ATP2C2: variants seen among roughly 807,000 people sequenced by gnomAD.
ATP2C2 encodes the protein calcium-transporting ATPase type 2C member 2.
A neutral mutation model predicts 110.8 loss-of-function variants in ATP2C2; 171 were observed. That is an observed-to-expected ratio of 1.54 (90% CI 1.36 to 1.75). ATP2C2 has a LOEUF of 1.75. Ranked by LOEUF, ATP2C2 falls within the 40% of genes most tolerant of loss-of-function variation. ATP2C2 has a pLI of 0.00. For synonymous variants in ATP2C2, 804 were observed against 508.4 expected (o/e 1.58, Z -7.82); for missense variants, 1,963 against 1,235.0 (o/e 1.59, Z -8.84).
chr16:84,448,147 G>A (rs1909929601), intron 16 of ATP2C2, among the ~76,000 whole-genome samples: 1 of 152,098 alleles, frequency 6.6e-6, no homozygotes, highest in African/African-American at 2.4e-5. Context: ...TAGACTTGGT[G>A]CTGCCCTAGG....
rs1287426371 is a variant in ATP2C2, at chr16:84,440,940, A to T, written c.1293A>T (p.Ser431=). The T allele has an allele frequency of 1.9e-6, 3 of 1,612,528 alleles. No individual in the cohort carries two copies. The South Asian group carries it at 3.3e-5, about 18-fold the overall frequency. Residue 431 remains serine (S), a synonymous_variant, in exon 14 of 27, where the codon TCA becomes TCT. Coordinates refer to ENST00000262429, the MANE Select transcript of ATP2C2 (RefSeq NM_014861.4). Reference sequence around the variant, plus strand: ...TCATTAAGGAATTTTCCAATGTCTCAGTGGGAAAGTTAGTGGAGGTAGGTG... The same window carrying T: ...TCATTAAGGAATTTTCCAATGTCTCTGTGGGAAAGTTAGTGGAGGTAGGTG... The part of the protein sequence containing the change: ...KEVIKEFSNV[S]VGKLVEAGCV...
chr16:84,380,989 G>T (rs1383772773), intron 1 of ATP2C2, among the ~76,000 whole-genome samples: 1 of 152,184 alleles, frequency 6.6e-6, no homozygotes, highest in Admixed American at 6.5e-5. Context: ...GATCAGCCCG[G>T]CCAACGTAGT....
chr16:84,431,631 G>A lies in ATP2C2; in HGVS notation c.986+5830G>A, dbSNP rs535466037. Among the ~76,000 whole-genome samples, 6 of 152,170 alleles carry A rather than the reference G, an allele frequency of 3.9e-5. No homozygotes were observed. In the East Asian group the frequency reaches 1.2e-3, roughly 29 times the overall value. ...GGGGAACAGCACAGGCAAAGGTTTG[G>A]GGGTGGGAACATATCCGAGGGTCAC... On this transcript the variant is annotated intron_variant, in intron 11 of 26. Coordinates refer to ENST00000262429, the MANE Select transcript of ATP2C2 (RefSeq NM_014861.4).
intron 17 of ATP2C2, among the ~76,000 whole-genome samples, chr16:84,451,320 G>A (rs1910239254): frequency 6.6e-6 from 1 of 152,172 alleles, no homozygotes; most frequent in South Asian, 2.1e-4. Context: ...AATTATGGGA[G>A]CTACAGTTCA....
intron 1 of ATP2C2, among the ~76,000 whole-genome samples, chr16:84,393,608 G>A (rs1056023615): frequency 6.6e-6 from 1 of 152,160 alleles, no homozygotes; most frequent in South Asian, 2.1e-4. Context: ...GAAGGAGCAG[G>A]TGTATTTCCA....
At chr16:84,447,008 C>G (rs942647074) in intron 16 of ATP2C2, among the ~76,000 whole-genome samples, 1 of 152,192 alleles carries the variant, frequency 6.6e-6, no homozygotes, top group Non-Finnish European at 1.5e-5. Context: ...GAACACATAC[C>G]AAGCTATGGC....
rs989549904 is a variant in ATP2C2, at chr16:84,425,756, G to T, written c.941G>T (p.Trp314Leu). The stretch of plus-strand genomic sequence containing the variant: ...CCAGGTCTCATCATGCTCATTGGCT[G>T]GTCGCAAGGGAAACAACTCCTGAGT... Reference protein sequence around the residue: ...GIIGLIMLIGWSQGKQLLSMF... With the variant: ...GIIGLIMLIGLSQGKQLLSMF... The change falls in exon 11 of 27, where the codon TGG becomes TTG. Residue 314 changes from tryptophan to leucine, a missense_variant. Transcript: ENST00000262429. 6.2e-7 allele frequency: 1 copy of T among 1,614,128 alleles called. No individual in the cohort carries two copies. The highest frequency in any genetic ancestry group is 8.5e-7 in the Non-Finnish European group (1 of 1,180,032).
At chr16:84,372,946 C>T (rs893761846) in intron 1 of ATP2C2, among the ~76,000 whole-genome samples, 7 of 151,246 alleles carry the variant, frequency 4.6e-5, no homozygotes, top group African/African-American at 1.7e-4. Flanking sequence ...TATGGTGAAA[C>T]CCCTCTCTAC....
chr16:84,399,836 A>C (rs1263197907), intron 2 of ATP2C2, among the ~76,000 whole-genome samples: 7 of 152,214 alleles, frequency 4.6e-5, no homozygotes, highest in Non-Finnish European at 1.0e-4. Flanking sequence ...TCGCCCTGTC[A>C]TGCCAGCAAA....
In ATP2C2 at chr16:84,368,703, G is replaced by A. The variant is rs757071841; in HGVS notation, c.88G>A (p.Glu30Lys). The change falls in exon 1 of 27, where the codon GAG becomes AAG. Residue 30 changes from glutamate (E) to lysine (K), a missense_variant. By Grantham distance (56) the Glu-to-Lys change is moderately conservative. Transcript: ENST00000262429. ...RQYQALEKDEEEALIDEQSEL... is the reference protein window; with the variant it reads ...RQYQALEKDEKEALIDEQSEL... Reference sequence around the variant, plus strand: ...GTACCAGGCGCTGGAGAAGGACGAAGAGGAAGCCTTGGTGAGTCCCCGCGA... The same window carrying A: ...GTACCAGGCGCTGGAGAAGGACGAAAAGGAAGCCTTGGTGAGTCCCCGCGA... 7 of 1,548,050 alleles carry A rather than the reference G, an allele frequency of 4.5e-6. No homozygotes were observed. The highest frequency in any genetic ancestry group is 2.6e-5 in the East Asian group (1 of 38,082).
At chr16:84,446,265 C>A in intron 15 of ATP2C2, 64 bp from the exon 16 acceptor site, 1 of 930,934 alleles carries the variant, frequency 1.1e-6, no homozygotes, top group South Asian at 2.1e-5. Context: ...TTTAAATGGA[C>A]TGAGCTTTGT....
intron 1 of ATP2C2, among the ~76,000 whole-genome samples, chr16:84,396,896 A>T (rs182229753): frequency 2.0e-5 from 3 of 151,996 alleles, no homozygotes; most frequent in Admixed American, 2.0e-4. Context: ...GCCGCATGAA[A>T]CCGAGGTGGG....
chr16:84,412,518 CTGTG>C (rs1290921057), intron 6 of ATP2C2, among the ~76,000 whole-genome samples: 21 of 121,302 alleles, frequency 1.7e-4, no homozygotes, highest in Admixed American at 4.2e-4. Context: ...CTGTGTGTGT[CTGTG>C]TGTGCATGTG....
intron 11 of ATP2C2, among the ~76,000 whole-genome samples, chr16:84,434,095 T>TTTTTTTAAAACTTTAAGAAC (rs1295267759): frequency 6.6e-6 from 1 of 152,126 alleles, no homozygotes; most frequent in Non-Finnish European, 1.5e-5. Context: ...GAGAGAATCA[T>TTTTTTTAAAACTTTAAGAAC]TTTTTTAAAA....
chr16:84,433,048 G>T (rs562236075), intron 11 of ATP2C2, among the ~76,000 whole-genome samples: 1 of 152,288 alleles, frequency 6.6e-6, no homozygotes, highest in South Asian at 2.1e-4. Context: ...GAGGCTGCCA[G>T]AGAACACAGG....
chr16:84,427,161 G>A (rs1907879649), intron 11 of ATP2C2, among the ~76,000 whole-genome samples: 1 of 152,166 alleles, frequency 6.6e-6, no homozygotes, highest in Non-Finnish European at 1.5e-5. Context: ...GTGTTTTTAG[G>A]TGATGTGTGG....
rs1478465218 is a variant in ATP2C2 at position 84,461,985 on chromosome 16, C to A, written c.2581-3C>A. 1 of 1,613,090 alleles carries A rather than the reference C, an allele frequency of 6.2e-7. No individual in the cohort carries two copies. The highest frequency in any genetic ancestry group is 1.7e-5 in the Admixed American group (1 of 59,970). The stretch of plus-strand genomic sequence containing the variant: ...AATCCCCCGTGTGACCTTCTCCCTG[C>A]AGACCAAGCTGATATTTGAGATCGG... On this transcript the variant is annotated splice_polypyrimidine_tract_variant and splice_region_variant and intron_variant, in intron 25 of 26. Coordinates refer to ENST00000262429, the MANE Select transcript of ATP2C2 (RefSeq NM_014861.4).
Position 84,373,468 on chromosome 16 carries a change from C to A in ATP2C2, c.99+4754C>A, listed in dbSNP as rs551415552. Among the ~76,000 whole-genome samples the A allele has an allele frequency of 1.8e-4, 28 of 152,076 alleles. No individual in the cohort carries two copies. In the South Asian group the frequency reaches 5.2e-3, roughly 28 times the overall value. ...TGAGCCAAGATTGCGCCACTACACT[C>A]CAGCCTGGGTGACAGAGCGAGACTC... On this transcript the variant is annotated intron_variant, in intron 1 of 26. Transcript: ENST00000262429.
chr16:84,460,964 A>C, intron 24 of ATP2C2, 163 bp downstream of exon 24: 1 of 1,052,286 alleles, frequency 9.5e-7, no homozygotes, highest in South Asian at 1.8e-5. Flanking sequence ...CATGAGGCAA[A>C]GGGACTGGGT....
Sources: gnomAD v4.1 joint callset for allele counts (sites outside exome capture counted in the v4.1 genomes callset) on GRCh38, gnomAD v4.1.1 for gene constraint, MANE v1.5 for transcripts, NCBI Gene and HGNC (gene_info 2026-07-23, HGNC 2026-07-21) for gene names.